NFXL1: variants seen among roughly 807,000 people sequenced by gnomAD.
NFXL1 encodes the protein NF-X1-type zinc finger protein NFXL1.
Under a neutral mutation model 123.3 loss-of-function variants are expected in NFXL1, and 66 were observed. The ratio of observed to expected loss-of-function variants is 0.54; its 90% confidence interval spans 0.44 to 0.66. The LOEUF (loss-of-function observed/expected upper bound fraction) is 0.66, where lower values mean the gene tolerates loss of function less well. Among genes scored for constraint, NFXL1 ranks in the 30% least tolerant of loss-of-function variants. The probability of loss-of-function intolerance (pLI) is 0.00; values close to 1 mark genes in which losing one functional copy is unlikely to be tolerated. For synonymous variants in NFXL1, 346 were observed against 360.8 expected (o/e 0.96, Z 0.46); for missense variants, 944 against 1,125.6 (o/e 0.84, Z 2.31).
At chr4:47,891,470 A>G (rs771746456) in intron 11 of NFXL1, among the ~76,000 whole-genome samples, 13 of 152,172 alleles carry the variant, frequency 8.5e-5, no homozygotes, top group Non-Finnish European at 1.8e-4. Flanking sequence ...AAGCAGAGAT[A>G]GGCTACTTGC....
intron 2 of NFXL1, among the ~76,000 whole-genome samples, chr4:47,911,676 G>A (rs1737836055): frequency 6.6e-6 from 1 of 152,176 alleles, no homozygotes; most frequent in African/African-American, 2.4e-5. Context: ...CAAAAAGAAT[G>A]TTAATTTTGG....
At chr4:47,857,151 A>G (rs192195555) in intron 19 of NFXL1, among the ~76,000 whole-genome samples, 4 of 152,306 alleles carry the variant, frequency 2.6e-5, no homozygotes, top group African/African-American at 9.6e-5. Flanking sequence ...ATTTTCTTAC[A>G]TACATAGAAT....
At chr4:47,894,089 G>C in intron 11 of NFXL1, 91 bp downstream of exon 11, 1 of 869,092 alleles carries the variant, frequency 1.2e-6, no homozygotes, top group Non-Finnish European at 1.7e-6. Flanking sequence ...GAACATTTGA[G>C]AAACAATTCA....
chr4:47,873,487 T>G (rs1735565520), intron 18 of NFXL1, among the ~76,000 whole-genome samples: 2 of 152,212 alleles, frequency 1.3e-5, no homozygotes, highest in South Asian at 4.1e-4. Context: ...AACATTCATC[T>G]CCTTGTATAT....
chr4:47,897,109 A>T (rs1413316603), intron 9 of NFXL1, among the ~76,000 whole-genome samples: 1 of 152,148 alleles, frequency 6.6e-6, no homozygotes, highest in Non-Finnish European at 1.5e-5. Context: ...CAGGAGTTCG[A>T]GGCCAGCCTG....
chr4:47,874,659 C>T (rs1421187330), intron 18 of NFXL1, among the ~76,000 whole-genome samples: 1 of 152,002 alleles, frequency 6.6e-6, no homozygotes, highest in African/African-American at 2.4e-5. Context: ...ACAAAATGAA[C>T]ATATGCTGTT....
chr4:47,877,519 A>G (rs1735825413), intron 17 of NFXL1, among the ~76,000 whole-genome samples: 1 of 152,092 alleles, frequency 6.6e-6, no homozygotes, highest in African/African-American at 2.4e-5. Flanking sequence ...GGAAGAGGGA[A>G]GCCATACAGC....
At chr4:47,853,371 T>C (rs1055958470) in intron 20 of NFXL1, among the ~76,000 whole-genome samples, 2 of 152,084 alleles carry the variant, frequency 1.3e-5, no homozygotes, top group African/African-American at 2.4e-5. Flanking sequence ...TAGCATTGTT[T>C]TAAATGCTAT....
intron 17 of NFXL1, among the ~76,000 whole-genome samples, chr4:47,876,521 G>A (rs944348677): frequency 6.6e-6 from 1 of 152,122 alleles, no homozygotes; most frequent in Non-Finnish European, 1.5e-5. Flanking sequence ...AGAGAGTGAT[G>A]AGAAGTCAGA....
chr4:47,879,937 C>G (rs1345297940), intron 15 of NFXL1, among the ~76,000 whole-genome samples: 1 of 152,102 alleles, frequency 6.6e-6, no homozygotes, highest in Admixed American at 6.5e-5. Context: ...TGAATCACAG[C>G]TCTAAATGTA....
chr4:47,852,965 GTTTTT>G (rs748324960), intron 20 of NFXL1, among the ~76,000 whole-genome samples: 2 of 141,498 alleles, frequency 1.4e-5, no homozygotes, highest in Non-Finnish European at 3.1e-5. Flanking sequence ...TACTTGGAGG[GTTTTT>G]TTTTTTTTAT....
chr4:47,873,943 C>T (rs973786986), intron 18 of NFXL1, among the ~76,000 whole-genome samples: 5 of 152,242 alleles, frequency 3.3e-5, no homozygotes, highest in African/African-American at 1.2e-4. Context: ...TGCATCAGCA[C>T]TTGCTGCTTC....
chr4:47,876,243 C>T (rs1340927763), intron 17 of NFXL1, among the ~76,000 whole-genome samples: 2 of 152,044 alleles, frequency 1.3e-5, no homozygotes, highest in Admixed American at 1.3e-4. Context: ...CTGGAACTTA[C>T]ATTTATGTGA....
intron 19 of NFXL1, among the ~76,000 whole-genome samples, chr4:47,856,501 ATAG>A (rs33975262): frequency 0.34 from 51,575 of 151,688 alleles, 9,130 homozygotes; most frequent in East Asian, 0.59. Context: ...TCCCTCCCAA[ATAG>A]TAGAACCCTC....
chr4:47,879,189 C>T, intron 15 of NFXL1, 72 bp from the exon 16 acceptor site: 2 of 596,370 alleles, frequency 3.4e-6, no homozygotes, highest in Non-Finnish European at 2.8e-6. Context: ...GATGCTAACT[C>T]TACTAGCATT....
intron 19 of NFXL1, among the ~76,000 whole-genome samples, chr4:47,858,844 C>T (rs887302684): frequency 2.6e-5 from 4 of 151,990 alleles, no homozygotes; most frequent in African/African-American, 7.2e-5. Context: ...CACTTTTTAA[C>T]TGTTAAACTA....
rs1307985871 is a variant in NFXL1 at position 47,897,855 on chromosome 4, CTTCT to C, written c.1204+108_1204+111del. 8.2e-6 allele frequency: 5 copies of C among 610,322 alleles called. No individual in the cohort carries two copies. In the African/African-American group the frequency reaches 9.5e-5, roughly 12 times the overall value. The allele number at this position is 610,322 out of a possible 1,614,324, so 37.8% of individuals were successfully genotyped here. A position where few individuals can be genotyped will look rare whatever the true frequency, so the allele number is the denominator to read the frequency against. ...AAATTTTGTAGCTTTTTCAGACTGG[CTTCT>C]TTCATTTAGTAATATGCACTTAAGT... On this transcript the variant is annotated intron_variant, in intron 9 of 22. Transcript: ENST00000507489.
intron 3 of NFXL1, among the ~76,000 whole-genome samples, chr4:47,906,576 T>C (rs1327296368): frequency 6.6e-6 from 1 of 152,068 alleles, no homozygotes; most frequent in South Asian, 2.1e-4. Context: ...TAAACAAACA[T>C]TGAAGTTTTT....
In NFXL1 at chr4:47,905,256, G is replaced by C; in HGVS notation, c.497C>G (p.Ser166Trp). Residue 166 changes from serine to tryptophan, a missense_variant, in exon 4 of 23, where the codon TCG becomes TGG. Ser to Trp is a radical substitution (Grantham distance 177). Coordinates refer to ENST00000507489, the MANE Select transcript of NFXL1 (RefSeq NM_001278624.2). Reference sequence around the variant, plus strand: ...ACTTACTGCTTGGTTTCTCTTCACCGAAGCAATACAAATTAGGCATGTCAT... The same window carrying C: ...ACTTACTGCTTGGTTTCTCTTCACCCAAGCAATACAAATTAGGCATGTCAT... The part of the protein sequence containing the change: ...GAMTCLICIA[S>W]VKRNQAVWSC... The C allele has an allele frequency of 6.5e-7, 1 of 1,545,872 alleles. No individual in the cohort carries two copies. The highest frequency in any genetic ancestry group is 8.9e-7 in the Non-Finnish European group (1 of 1,123,244).
Sources: gnomAD v4.1 joint callset for allele counts (sites outside exome capture counted in the v4.1 genomes callset) on GRCh38, gnomAD v4.1.1 for gene constraint, MANE v1.5 for transcripts, NCBI Gene and HGNC (gene_info 2026-07-23, HGNC 2026-07-21) for gene names.